The following MLLT3 variants were observed in gnomAD, a reference collection of about 807,000 sequenced individuals.
MLLT3 encodes MLLT3 super elongation complex subunit.
Under a neutral mutation model 53.2 loss-of-function variants are expected in MLLT3, and 4 were observed. The observed-to-expected ratio is 0.08, with a 90% CI of 0.04 to 0.17. The LOEUF (loss-of-function observed/expected upper bound fraction) is 0.17. MLLT3 is among the 10% of genes least tolerant of loss of function. MLLT3 has a pLI of 1.00. For synonymous variants in MLLT3, 283 were observed against 230.6 expected, an observed-to-expected ratio of 1.23 and a Z score of -2.06; for missense variants, 569 against 684.0, an observed-to-expected ratio of 0.83 and a Z score of 1.87.
At chr9:20,462,884 A>G (rs1247864536) in intron 2 of MLLT3, among the ~76,000 whole-genome samples, 2 of 152,150 alleles carry the variant, frequency 1.3e-5, no homozygotes, top group Non-Finnish European at 1.5e-5. Flanking sequence ...GATAAAGTAT[A>G]CAAGGCCTGG....
intron 2 of MLLT3, among the ~76,000 whole-genome samples, chr9:20,611,988 G>C (rs902561918): frequency 1.3e-5 from 2 of 152,220 alleles, no homozygotes; most frequent in East Asian, 1.9e-4. Flanking sequence ...TAGAGAATTT[G>C]ATTTTGTCTG....
At chr9:20,483,960 C>T (rs141839286) in intron 2 of MLLT3, among the ~76,000 whole-genome samples, 8,999 of 152,046 alleles carry the variant, frequency 0.059, 392 homozygotes, top group African/African-American at 0.12. Flanking sequence ...ATCCGCCCGC[C>T]TTGGCCTCCC....
intron 5 of MLLT3, among the ~76,000 whole-genome samples, chr9:20,408,191 G>C (rs1822632723): frequency 6.6e-6 from 1 of 151,898 alleles, no homozygotes; most frequent in Non-Finnish European, 1.5e-5. Context: ...GGGCTTCTAA[G>C]GAATTCCTTA....
At chr9:20,568,279 T>A (rs1244567657) in intron 2 of MLLT3, among the ~76,000 whole-genome samples, 1 of 152,158 alleles carries the variant, frequency 6.6e-6, no homozygotes, top group Non-Finnish European at 1.5e-5. Context: ...TTATTGAGGC[T>A]GAGTACTGAA....
intron 2 of MLLT3, among the ~76,000 whole-genome samples, chr9:20,484,234 T>G (rs372094663): frequency 6.6e-6 from 1 of 152,160 alleles, no homozygotes; most frequent in Non-Finnish European, 1.5e-5. Context: ...AAATAAATTT[T>G]CCTACTAGTA....
intron 2 of MLLT3, among the ~76,000 whole-genome samples, chr9:20,508,833 AC>A (rs1011466083): frequency 1.3e-5 from 2 of 152,238 alleles, no homozygotes; most frequent in African/African-American, 2.4e-5. Flanking sequence ...ATACTGAAAA[AC>A]ATTTCCATTT....
chr9:20,444,599 G>A (rs1346507475), intron 4 of MLLT3, among the ~76,000 whole-genome samples: 4 of 152,044 alleles, frequency 2.6e-5, no homozygotes, highest in African/African-American at 9.7e-5. Context: ...GGGGCTGGAC[G>A]CAGTGACTCA....
chr9:20,350,399 A>T (rs188742237), intron 10 of MLLT3, among the ~76,000 whole-genome samples: 3,072 of 151,862 alleles, frequency 0.02, 38 homozygotes, highest in African/African-American at 0.035. Context: ...ATCAAGACCA[A>T]CCCGGCTAAA....
chr9:20,542,291 C>T (rs556681912), intron 2 of MLLT3, among the ~76,000 whole-genome samples: 29 of 147,726 alleles, frequency 2.0e-4, no homozygotes, highest in African/African-American at 7.3e-4. Flanking sequence ...TCGCCCAGGC[C>T]GGACTGCGGA....
At position 20,448,338 on chromosome 9, in the gene MLLT3, ACTC is replaced by A; in HGVS notation, c.277-75_277-73del. 2.8e-6 allele frequency: 4 copies of A among 1,430,982 alleles called. No individual in the cohort carries two copies. The highest frequency in any genetic ancestry group is 3.9e-6 in the Non-Finnish European group (4 of 1,033,012). 88.6% of individuals were successfully genotyped at this position (1,430,982 alleles called of 1,614,324 possible). On this transcript the variant is annotated intron_variant, in intron 3 of 10. Coordinates refer to ENST00000380338, the MANE Select transcript of MLLT3 (RefSeq NM_004529.4). This position sits in a 1 kb window ranked among gnomAD's most constrained non-coding sequence, Gnocchi z 4.0. ...AGTGAAATTTTAAAAGCAAAAATTT[ACTC>A]CTCATAAGAAATAGAAAAGAACTAA... is the stretch of plus-strand genomic sequence containing the variant.
Position 20,616,958 on chromosome 9 carries a change from C to A in MLLT3, c.193+3696G>T, listed in dbSNP as rs1820847235. ...ACCTTGCCAATGTTCTCCAAAATAC[C>A]CCTGCCCGATTTACATTCTCACCCA... On this transcript the variant is annotated intron_variant, in intron 2 of 10. Coordinates refer to ENST00000380338, the MANE Select transcript of MLLT3 (RefSeq NM_004529.4). Among the ~76,000 whole-genome samples, 3 of 152,028 alleles carry A rather than the reference C, an allele frequency of 2.0e-5. No individual in the cohort carries two copies. In the South Asian group the frequency reaches 6.2e-4, roughly 32 times the overall value.
Position 20,365,692 on chromosome 9 carries a change from GTGAAGC to G in MLLT3, c.1172_1177del (p.Ser391_Phe392del). 6.2e-7 allele frequency: 1 copy of G among 1,614,216 alleles called. No individual in the cohort carries two copies. The highest frequency in any genetic ancestry group is 8.5e-7 in the Non-Finnish European group (1 of 1,180,030). ...ACCTTGTTGCCTGGTCTGGGATGGTGTGAAGCTGGAGCTGGAGCTGGAGCTGGAGCT... is the reference window on the plus strand; with the variant it reads ...ACCTTGTTGCCTGGTCTGGGATGGTGTGGAGCTGGAGCTGGAGCTGGAGCT... On this transcript the variant is annotated inframe_deletion, in exon 6 of 11. Transcript: ENST00000380338.
Position 20,605,484 on chromosome 9 carries a change from A to G in MLLT3, c.193+15170T>C, listed in dbSNP as rs532618151. 2.6e-5 allele frequency among the ~76,000 whole-genome samples: 4 copies of G among 152,218 alleles called. No homozygotes were observed. The East Asian group carries it at 7.7e-4, about 29-fold the overall frequency. Reference sequence around the variant, plus strand: ...AAAGTTATGCTTATTAGTCTAGTTAATAACCACGGGTTCATACTAGAAAGA... The same window carrying G: ...AAAGTTATGCTTATTAGTCTAGTTAGTAACCACGGGTTCATACTAGAAAGA... On this transcript the variant is annotated intron_variant, in intron 2 of 10. Coordinates refer to ENST00000380338, the MANE Select transcript of MLLT3 (RefSeq NM_004529.4).
Position 20,622,370 on chromosome 9 carries a change from G to T in MLLT3, c.-114C>A. 1.0e-6 allele frequency: 1 copy of T among 966,008 alleles called. No individual in the cohort carries two copies. Among genetic ancestry groups the T allele is most frequent in the Non-Finnish European group, 1.5e-6 (1 of 668,510 alleles). The allele number at this position is 966,008 out of a possible 1,614,324, so 59.8% of individuals were successfully genotyped here. On this transcript the variant is annotated 5_prime_UTR_variant, in exon 1 of 11. Transcript: ENST00000380338. ...ATGAATGAGAGCGCGCCCAGGAGCGGAGGGTAGATGGCGGACATTCTCTGC... is the reference window on the plus strand; with the variant it reads ...ATGAATGAGAGCGCGCCCAGGAGCGTAGGGTAGATGGCGGACATTCTCTGC...
At chr9:20,537,914 AAACT>A (rs1236220305) in intron 2 of MLLT3, among the ~76,000 whole-genome samples, 1 of 152,190 alleles carries the variant, frequency 6.6e-6, no homozygotes, top group African/African-American at 2.4e-5. Flanking sequence ...TATATTTTAA[AAACT>A]AATTACAAAT....
intron 2 of MLLT3, among the ~76,000 whole-genome samples, chr9:20,542,965 C>T (rs1209932511): frequency 1.3e-5 from 2 of 152,204 alleles, no homozygotes; most frequent in Non-Finnish European, 2.9e-5. Flanking sequence ...ATAATGGTAG[C>T]TTCTTTCTTC....
intron 9 of MLLT3, 126 bp from the exon 10 acceptor site, chr9:20,353,722 C>T (rs958891811): frequency 1.8e-5 from 14 of 785,008 alleles, no homozygotes; most frequent in Non-Finnish European, 2.6e-5. Context: ...CACTCTAGCC[C>T]AGGCTGTGTG....
intron 3 of MLLT3, among the ~76,000 whole-genome samples, chr9:20,455,050 A>G (rs1027218326): frequency 1.3e-5 from 2 of 152,248 alleles, no homozygotes; most frequent in African/African-American, 2.4e-5. Flanking sequence ...GAAAAACAGA[A>G]GAAATAAAAG....
At chr9:20,601,598 T>A (rs1820421845) in intron 2 of MLLT3, among the ~76,000 whole-genome samples, 1 of 152,158 alleles carries the variant, frequency 6.6e-6, no homozygotes, top group Non-Finnish European at 1.5e-5. Context: ...CAGATGGGAA[T>A]AGGGAAAAAA....
Sources: gnomAD v4.1 joint callset for allele counts (sites outside exome capture counted in the v4.1 genomes callset) on GRCh38, gnomAD v4.1.1 for gene constraint, Gnocchi (gnomAD v3.1) non-coding constraint, MANE v1.5 for transcripts, NCBI Gene and HGNC (gene_info 2026-07-23, HGNC 2026-07-21) for gene names.